RHOT1: variants seen among roughly 807,000 people sequenced by gnomAD.
RHOT1 encodes the protein ras homolog family member T1.
RHOT1 carries 27 observed loss-of-function variants against 95.3 expected under a neutral mutation model. That is an observed-to-expected ratio of 0.28 (90% CI 0.21 to 0.39). The LOEUF (loss-of-function observed/expected upper bound fraction) is 0.39, where lower values mean the gene tolerates loss of function less well. RHOT1 is among the 10% of genes least tolerant of loss of function. The pLI, the probability that RHOT1 is intolerant of heterozygous loss-of-function variation, is 1.00. For synonymous variants in RHOT1, 227 were observed against 263.5 expected, an observed-to-expected ratio of 0.86 and a Z score of 1.34; for missense variants, 578 against 786.7, an observed-to-expected ratio of 0.73 and a Z score of 3.17.
intron 1 of RHOT1, among the ~76,000 whole-genome samples, chr17:32,152,243 T>C (rs1189966087): frequency 2.0e-5 from 3 of 152,262 alleles, no homozygotes; most frequent in Non-Finnish European, 2.9e-5. Flanking sequence ...TTCCTATCTC[T>C]GAGGCCTGCC....
In RHOT1 at chr17:32,197,102, G is replaced by A. The variant is rs563831215; in HGVS notation, c.870-1845G>A. Among the ~76,000 whole-genome samples, 63 of 151,536 alleles carry A rather than the reference G, an allele frequency of 4.2e-4. 1 individual carries two copies. Among genetic ancestry groups the A allele is most frequent in the African/African-American group, 1.1e-3 (44 of 41,350 alleles). On this transcript the variant is annotated intron_variant, in intron 11 of 19. Coordinates refer to ENST00000545287, the MANE Select transcript of RHOT1 (RefSeq NM_001033566.3). Reference sequence around the variant, plus strand: ...CGCACCATTGCACTCCAGCCCTGGCGACAGAGTGAGATTCCATCTCAAATA... The same window carrying A: ...CGCACCATTGCACTCCAGCCCTGGCAACAGAGTGAGATTCCATCTCAAATA...
intron 1 of RHOT1, 62 bp downstream of exon 1, chr17:32,142,791 T>C (rs1344106618): frequency 7.6e-7 from 1 of 1,317,064 alleles, no homozygotes; most frequent in Non-Finnish European, 1.0e-6. Flanking sequence ...GCAGCCCCTG[T>C]CGCCCCTGTC....
intron 19 of RHOT1, among the ~76,000 whole-genome samples, chr17:32,218,929 T>G (rs2038656985): frequency 6.6e-6 from 1 of 152,226 alleles, no homozygotes; most frequent in South Asian, 2.1e-4. Context: ...GGTATCTCTG[T>G]GCCCTGGTAA....
At chr17:32,217,860 A>ATTTTAT (rs201368002) in intron 19 of RHOT1, among the ~76,000 whole-genome samples, 2 of 143,704 alleles carry the variant, frequency 1.4e-5, no homozygotes, top group African/African-American at 5.8e-5. Flanking sequence ...ATTTTATTTT[A>ATTTTAT]TTTATTTATT....
chr17:32,222,666 A>G (rs1247718335), intron 19 of RHOT1, among the ~76,000 whole-genome samples: 2 of 152,148 alleles, frequency 1.3e-5, no homozygotes, highest in Admixed American at 6.5e-5. Flanking sequence ...AACTCAATTT[A>G]TGTGTGGGAT....
chr17:32,198,187 T>C (rs1354580667), intron 11 of RHOT1, among the ~76,000 whole-genome samples: 1 of 152,204 alleles, frequency 6.6e-6, no homozygotes, highest in Non-Finnish European at 1.5e-5. Context: ...TGAGTCACCA[T>C]GTCCAGCACT....
Position 32,211,185 on chromosome 17 carries a change from C to G in RHOT1, c.1809C>G (p.Asn603Lys), listed in dbSNP as rs757142962. ...TTTGCATCTGTCAGAACTTCCTCAA[C>G]TCAGACTTGCTGCAATCTGTAAAGA... Reference protein sequence around the residue: ...CTFCICQNFLNSDLLQSVKNK... With the variant: ...CTFCICQNFLKSDLLQSVKNK... The change falls in exon 19 of 20, where the codon AAC becomes AAG. Residue 603 changes from asparagine (N) to lysine (K), a missense_variant. This residue lies in a region of RHOT1 where 296 missense variants were observed against 338.5 expected (regional missense o/e 0.87). Transcript: ENST00000545287. 5.0e-6 allele frequency: 8 copies of G among 1,612,952 alleles called. No individual in the cohort carries two copies. The African/African-American group carries it at 1.1e-4, about 22-fold the overall frequency.
intron 19 of RHOT1, among the ~76,000 whole-genome samples, chr17:32,213,917 T>A (rs1490133028): frequency 2.0e-5 from 3 of 152,172 alleles, no homozygotes; most frequent in Non-Finnish European, 4.4e-5. Context: ...CAAAGAGAAA[T>A]CAGTACGTTT....
At chr17:32,176,343 G>A in intron 6 of RHOT1, 130 bp downstream of exon 6, 1 of 701,818 alleles carries the variant, frequency 1.4e-6, no homozygotes, top group South Asian at 1.9e-5. Context: ...TGCCACGTTT[G>A]CCTTATCTAT....
chr17:32,165,241 G>A (rs1379608294), intron 1 of RHOT1, among the ~76,000 whole-genome samples: 1 of 148,978 alleles, frequency 6.7e-6, no homozygotes, highest in Admixed American at 6.8e-5. Flanking sequence ...GGAGGCTGAG[G>A]CAGGAGAATG....
intron 19 of RHOT1, among the ~76,000 whole-genome samples, chr17:32,217,010 G>A (rs1257870219): frequency 6.6e-6 from 1 of 152,246 alleles, no homozygotes; most frequent in African/African-American, 2.4e-5. Context: ...CATTAAGTAA[G>A]CTGCTGCTGC....
At chr17:32,161,420 G>C (rs1013289365) in intron 1 of RHOT1, among the ~76,000 whole-genome samples, 1 of 152,148 alleles carries the variant, frequency 6.6e-6, no homozygotes, top group African/African-American at 2.4e-5. Flanking sequence ...TGTTATCACA[G>C]GAGTAACTGG....
At chr17:32,166,402 G>A (rs568102225) in intron 1 of RHOT1, among the ~76,000 whole-genome samples, 1 of 152,284 alleles carries the variant, frequency 6.6e-6, no homozygotes, top group East Asian at 1.9e-4. Context: ...GGTGATTCCT[G>A]AAGGCTGGGG....
chr17:32,198,869 T>C, intron 11 of RHOT1, 78 bp from the exon 12 acceptor site: 1 of 926,076 alleles, frequency 1.1e-6, no homozygotes, highest in South Asian at 1.5e-5. Flanking sequence ...CACAAAAGAC[T>C]TGTTGCAATT....
At chr17:32,154,318 C>T (rs1196059871) in intron 1 of RHOT1, among the ~76,000 whole-genome samples, 8 of 150,022 alleles carry the variant, frequency 5.3e-5, no homozygotes, top group East Asian at 3.9e-4. Context: ...CAGTGGCTCA[C>T]GCCTGTAATC....
chr17:32,165,005 C>T (rs1157927412), intron 1 of RHOT1, among the ~76,000 whole-genome samples: 1 of 151,454 alleles, frequency 6.6e-6, no homozygotes, highest in Non-Finnish European at 1.5e-5. Context: ...CTAACAACAA[C>T]AACAGCAAAA....
chr17:32,215,599 A>G (rs1011005178), intron 19 of RHOT1, among the ~76,000 whole-genome samples: 2 of 152,238 alleles, frequency 1.3e-5, no homozygotes, highest in African/African-American at 2.4e-5. Flanking sequence ...GGAAAGTGCT[A>G]TATAACCTGA....
chr17:32,217,632 G>A (rs2038557958), intron 19 of RHOT1, among the ~76,000 whole-genome samples: 1 of 151,424 alleles, frequency 6.6e-6, no homozygotes, highest in Admixed American at 6.6e-5. Flanking sequence ...GTGCGCACCT[G>A]TAGTCCCAGC....
intron 1 of RHOT1, among the ~76,000 whole-genome samples, chr17:32,151,912 C>G (rs1225671423): frequency 6.7e-6 from 1 of 150,348 alleles, no homozygotes; most frequent in Non-Finnish European, 1.5e-5. Context: ...GGAAATCACT[C>G]TTGGATTTTA....
Sources: allele counts gnomAD v4.1 joint callset (sites outside exome capture counted in the v4.1 genomes callset), GRCh38; gene constraint gnomAD v4.1.1; regional missense constraint gnomAD v4.1.1; transcripts MANE v1.5; gene names NCBI Gene and HGNC (gene_info 2026-07-23, HGNC 2026-07-21).